The following FBXO3 variants were observed in gnomAD, a reference collection of about 807,000 sequenced individuals.
FBXO3 encodes the protein F-box protein 3.
Under a neutral mutation model 64.8 loss-of-function variants are expected in FBXO3, and 17 were observed. That is an observed-to-expected ratio of 0.26 (90% confidence interval 0.18 to 0.39). The LOEUF is 0.39. Among genes scored for constraint, FBXO3 ranks in the 10% least tolerant of loss-of-function variants. The pLI, the probability that FBXO3 is intolerant of heterozygous loss-of-function variation, is 1.00. For synonymous variants in FBXO3, 182 were observed against 201.6 expected, an observed-to-expected ratio of 0.90 and a Z score of 0.82; for missense variants, 420 against 589.9, an observed-to-expected ratio of 0.71 and a Z score of 2.98.
At chr11:33,742,335 AATT>A (rs1437926804) in intron 10 of FBXO3, 2 of 295,248 alleles carry the variant, frequency 6.8e-6, no homozygotes, top group Admixed American at 5.0e-5. Context: ...TTTTTAAAAA[AATT>A]ATTATTTTTT....
chr11:33,765,387 T>C (rs191485560), intron 3 of FBXO3, among the ~76,000 whole-genome samples: 1 of 152,346 alleles, frequency 6.6e-6, no homozygotes, highest in East Asian at 1.9e-4. Flanking sequence ...GAAACGAATA[T>C]TTATATGGTA....
chr11:33,751,604 G>C lies in FBXO3; in HGVS notation c.728C>G (p.Ala243Gly). 6.3e-7 allele frequency: 1 copy of C among 1,586,020 alleles called. No homozygotes were observed. The highest frequency in any genetic ancestry group is 8.6e-7 in the Non-Finnish European group (1 of 1,163,544). Residue 243 changes from alanine (A) to glycine (G), a missense_variant, in exon 7 of 11, where the codon GCT becomes GGT. Around this residue, in one of 3 missense-constraint regions of FBXO3, gnomAD observed 337 missense variants for 518.4 expected, o/e 0.65. Coordinates refer to ENST00000265651, the MANE Select transcript of FBXO3 (RefSeq NM_012175.4). The part of the protein sequence containing the change: ...PAAIDMFIIG[A>G]TFTDWFTSYV... ...AGAGGTAAACCAGTCAGTAAAAGTA[G>C]CACCTATAAAGCAGGAAAGGGAGAA... is the stretch of plus-strand genomic sequence containing the variant.
chr11:33,753,495 A>G (rs1855014600), intron 6 of FBXO3: 1 of 152,250 alleles, frequency 6.6e-6, no homozygotes, highest in South Asian at 2.1e-4. Flanking sequence ...CTATGCAAAA[A>G]TAACAACGAG....
intron 2 of FBXO3, among the ~76,000 whole-genome samples, chr11:33,770,539 G>A (rs888914485): frequency 1.3e-5 from 2 of 152,222 alleles, no homozygotes; most frequent in Non-Finnish European, 2.9e-5. Flanking sequence ...CGGCAACAAT[G>A]CATGCAGTAG....
intron 3 of FBXO3, among the ~76,000 whole-genome samples, chr11:33,763,636 A>AC (rs1341824492): frequency 6.6e-6 from 1 of 151,254 alleles, no homozygotes; most frequent in Non-Finnish European, 1.5e-5. Context: ...CAAAAAAAAA[A>AC]AAAAAAAAAA....
In FBXO3 at chr11:33,770,838, T is replaced by C. The variant is rs757322917; in HGVS notation, c.105-8A>G. ...CGACTGACATAACAACAGCTGGCAG[T>C]AACCAGATTCACCGATAGTATTTAA... is the stretch of plus-strand genomic sequence containing the variant. On this transcript the variant is annotated splice_polypyrimidine_tract_variant and splice_region_variant and intron_variant, in intron 1 of 10. Coordinates refer to ENST00000265651, the MANE Select transcript of FBXO3 (RefSeq NM_012175.4). The C allele has an allele frequency of 1.9e-6, 3 of 1,583,848 alleles. No homozygotes were observed. The highest frequency in any genetic ancestry group is 2.6e-6 in the Non-Finnish European group (3 of 1,158,308).
chr11:33,754,384 T>C (rs1472102134), intron 6 of FBXO3, 71 bp downstream of exon 6: 1 of 1,360,316 alleles, frequency 7.4e-7, no homozygotes, highest in African/African-American at 1.5e-5. Flanking sequence ...GAAAAAGTTT[T>C]TACCATTTTA....
Position 33,758,517 on chromosome 11 carries a change from A to G in FBXO3, c.443T>C (p.Ile148Thr). ...AACCACTAACTTCTGTCCATTGTGA[A>G]TTCGGTATGAACATCGATAATCGTC... is the stretch of plus-strand genomic sequence containing the variant. Reference protein sequence around the residue: ...LPDDYRCSYRIHNGQKLVVPG... With the variant: ...LPDDYRCSYRTHNGQKLVVPG... The change falls in exon 4 of 11, where the codon ATT becomes ACT. Residue 148 changes from isoleucine (I) to threonine (T), a missense_variant. Coordinates refer to ENST00000265651, the MANE Select transcript of FBXO3 (RefSeq NM_012175.4). 1 of 1,607,328 alleles carries G rather than the reference A, an allele frequency of 6.2e-7. No individual in the cohort carries two copies. Among genetic ancestry groups the G allele is most frequent in the South Asian group, 1.1e-5 (1 of 90,486 alleles).
chr11:33,742,138 T>C, intron 10 of FBXO3, 54 bp from the exon 11 acceptor site: 2 of 1,421,696 alleles, frequency 1.4e-6, no homozygotes, highest in Non-Finnish European at 9.2e-7. Context: ...GTTTTTTAGT[T>C]ATTTCATGTA....
intron 1 of FBXO3, chr11:33,771,685 C>T (rs1355383165): frequency 6.6e-6 from 1 of 152,152 alleles, no homozygotes; most frequent in African/African-American, 2.4e-5. Flanking sequence ...TGTTAAAAAC[C>T]ATCTATAGTA....
intron 2 of FBXO3, among the ~76,000 whole-genome samples, chr11:33,769,830 G>A (rs1048478751): frequency 2.7e-5 from 4 of 148,954 alleles, no homozygotes; most frequent in African/African-American, 9.8e-5. Context: ...GTTTAGGAAT[G>A]GGGAAAAGAA....
intron 3 of FBXO3, among the ~76,000 whole-genome samples, chr11:33,759,578 C>A (rs1445656256): frequency 6.6e-6 from 1 of 152,190 alleles, no homozygotes; most frequent in East Asian, 1.9e-4. Flanking sequence ...TTACAGTGAT[C>A]TGCCCATTGA....
In FBXO3 at chr11:33,743,223, T is replaced by C. The variant is rs1207889777; in HGVS notation, c.1240-1139A>G. On this transcript the variant is annotated intron_variant, in intron 10 of 10. Coordinates refer to ENST00000265651, the MANE Select transcript of FBXO3 (RefSeq NM_012175.4). The surrounding 1 kb of genome is among the most constrained non-coding windows in gnomAD (Gnocchi z 4.6). ...TGTCACTTTGCCGATTCGTTATAAGTATATATCTAAGATCAACCCACACTG... is the reference window on the plus strand; with the variant it reads ...TGTCACTTTGCCGATTCGTTATAAGCATATATCTAAGATCAACCCACACTG... The C allele has an allele frequency of 6.6e-6, 1 of 152,114 alleles. No homozygotes were observed. The allele number at this position is 152,114 out of a possible 1,614,324, so 9.4% of individuals were successfully genotyped here. A position where few individuals can be genotyped will look rare whatever the true frequency, so the allele number is the denominator to read the frequency against.
At chr11:33,756,726 C>A (rs1855105871) in intron 4 of FBXO3, among the ~76,000 whole-genome samples, 1 of 152,052 alleles carries the variant, frequency 6.6e-6, no homozygotes, top group South Asian at 2.1e-4. Flanking sequence ...TATGTCTGAC[C>A]CATGCCTAGT....
Position 33,751,510 on chromosome 11 carries a change from C to T in FBXO3, c.809+13G>A. On this transcript the variant is annotated intron_variant, in intron 7 of 10. Transcript: ENST00000265651. ...ACAATCATTTCAATCCAAAAAGACC[C>T]AAAATAAAATACCTGAAAATTTGGT... 6.4e-7 allele frequency: 1 copy of T among 1,558,446 alleles called. No individual in the cohort carries two copies.
At position 33,774,518 on chromosome 11, in the gene FBXO3, T is replaced by C; in HGVS notation, c.-21A>G. ...GCCATCTTGCCTGGCCCGGTGCAGG[T>C]CTGGCCCCGCCCTGGCCCCGCCCCT... On this transcript the variant is annotated 5_prime_UTR_variant, in exon 1 of 11. Transcript: ENST00000265651. 7 of 1,465,818 alleles carry C rather than the reference T, an allele frequency of 4.8e-6. No individual in the cohort carries two copies. Among genetic ancestry groups the C allele is most frequent in the South Asian group, 1.4e-5 (1 of 72,216 alleles). The allele number at this position is 1,465,818 out of a possible 1,614,324, so 90.8% of individuals were successfully genotyped here.
chr11:33,771,665 G>A (rs1381456397), intron 1 of FBXO3: 1 of 152,224 alleles, frequency 6.6e-6, no homozygotes, highest in Non-Finnish European at 1.5e-5. Flanking sequence ...TCAAGGCCAT[G>A]ACTAAGGTGT....
intron 9 of FBXO3, among the ~76,000 whole-genome samples, chr11:33,748,396 A>G (rs1854870047): frequency 6.6e-6 from 1 of 152,232 alleles, no homozygotes. Flanking sequence ...TCTTTAAGAA[A>G]GCCAAATGAC....
intron 8 of FBXO3, among the ~76,000 whole-genome samples, chr11:33,749,762 G>C (rs1363072627): frequency 6.6e-6 from 1 of 152,164 alleles, no homozygotes; most frequent in Non-Finnish European, 1.5e-5. Flanking sequence ...CTATAAGTAT[G>C]TGTTGGTATT....
Sources: allele counts gnomAD v4.1 joint callset (sites outside exome capture counted in the v4.1 genomes callset), GRCh38; gene constraint gnomAD v4.1.1; regional missense constraint gnomAD v4.1.1; non-coding constraint Gnocchi (gnomAD v3.1); transcripts MANE v1.5; gene names NCBI Gene and HGNC (gene_info 2026-07-23, HGNC 2026-07-21).